The following ZDHHC14 variants were observed in gnomAD, a reference collection of about 807,000 sequenced individuals.
ZDHHC14 encodes the protein palmitoyltransferase ZDHHC14.
Under a neutral mutation model 47.7 loss-of-function variants are expected in ZDHHC14, and 16 were observed. That is an observed-to-expected ratio of 0.34 (90% CI 0.23 to 0.51). The LOEUF (loss-of-function observed/expected upper bound fraction) is 0.51, where lower values mean the gene tolerates loss of function less well. Among genes scored for constraint, ZDHHC14 ranks in the 20% least tolerant of loss-of-function variants. The probability of loss-of-function intolerance (pLI) is 0.97; values close to 1 mark genes in which losing one functional copy is unlikely to be tolerated. For missense variants in ZDHHC14, 515 were observed against 662.5 expected, an observed-to-expected ratio of 0.78 and a Z score of 2.44; for synonymous variants, 293 against 278.9, an observed-to-expected ratio of 1.05 and a Z score of -0.50.
intron 2 of ZDHHC14, among the ~76,000 whole-genome samples, chr6:157,571,945 A>C (rs977640472): frequency 6.6e-6 from 1 of 151,718 alleles, no homozygotes; most frequent in South Asian, 2.1e-4. Flanking sequence ...TCAGATTTTC[A>C]CGTGCATCCA....
chr6:157,497,529 CA>C (rs1780096107), intron 1 of ZDHHC14, among the ~76,000 whole-genome samples: 1 of 152,064 alleles, frequency 6.6e-6, no homozygotes. Flanking sequence ...GTGTGAACCC[CA>C]CAAGGAAGGA....
chr6:157,418,066 C>T (rs922571712), intron 1 of ZDHHC14, among the ~76,000 whole-genome samples: 1 of 152,184 alleles, frequency 6.6e-6, no homozygotes, highest in African/African-American at 2.4e-5. Flanking sequence ...TCTGCACTTA[C>T]CCCACATGGT....
At chr6:157,572,812 T>C (rs191087819) in intron 2 of ZDHHC14, among the ~76,000 whole-genome samples, 7 of 152,088 alleles carry the variant, frequency 4.6e-5, no homozygotes, top group Admixed American at 3.9e-4. Flanking sequence ...GCATAGCACA[T>C]GAAACTCATT....
chr6:157,499,107 C>T (rs1489576295), intron 1 of ZDHHC14, among the ~76,000 whole-genome samples: 1 of 152,168 alleles, frequency 6.6e-6, no homozygotes, highest in Non-Finnish European at 1.5e-5. Context: ...CATTTGCCCC[C>T]TGTAGCTCAT....
chr6:157,656,479 C>T, intron 8 of ZDHHC14, among the ~76,000 whole-genome samples: 1 of 151,944 alleles, frequency 6.6e-6, no homozygotes, highest in East Asian at 1.9e-4. Flanking sequence ...GGATTACAGG[C>T]GCCCGCCACC....
At chr6:157,631,688 G>A (rs1583046465) in intron 4 of ZDHHC14, 2 of 152,368 alleles carry the variant, frequency 1.3e-5, no homozygotes, top group East Asian at 1.9e-4. Flanking sequence ...CCTTGGAGAG[G>A]AAGGAGGGCT....
chr6:157,557,285 G>C (rs542546255), intron 2 of ZDHHC14, among the ~76,000 whole-genome samples: 2 of 152,346 alleles, frequency 1.3e-5, no homozygotes, highest in African/African-American at 4.8e-5. Flanking sequence ...ATTAAACAGA[G>C]GGGCAGGGCC....
rs1278036261 is a variant in ZDHHC14, at chr6:157,672,907, C to T, written c.1252C>T (p.Leu418Phe). Residue 418 changes from leucine to phenylalanine, a missense_variant, in exon 9 of 9, where the codon CTC becomes TTC. Physicochemically the swap from Leu to Phe is conservative, Grantham distance 22. This residue lies in a region of ZDHHC14 where 221 missense variants were observed against 233.6 expected (regional missense o/e 0.95). Coordinates refer to ENST00000359775, the MANE Select transcript of ZDHHC14 (RefSeq NM_024630.3). ...PPTPPASMPN[L>F]AEATLADVMP... ...CACACCGCCCGCCTCCATGCCCAAC[C>T]TCGCCGAGGCCACGCTCGCGGACGT... 6.2e-7 allele frequency: 1 copy of T among 1,605,304 alleles called. No homozygotes were observed. The highest frequency in any genetic ancestry group is 8.5e-7 in the Non-Finnish European group (1 of 1,177,274).
At chr6:157,399,259 T>C (rs538018043) in intron 1 of ZDHHC14, among the ~76,000 whole-genome samples, 5 of 152,230 alleles carry the variant, frequency 3.3e-5, no homozygotes, top group Admixed American at 6.5e-5. Context: ...CTGAGTATGA[T>C]TGCATGCATA....
intron 1 of ZDHHC14, among the ~76,000 whole-genome samples, chr6:157,539,907 G>A (rs1438310355): frequency 6.6e-6 from 1 of 152,184 alleles, no homozygotes; most frequent in Non-Finnish European, 1.5e-5. Flanking sequence ...AAAGCGACAA[G>A]GACTTCCTAT....
At chr6:157,600,288 G>A (rs931930005) in intron 3 of ZDHHC14, among the ~76,000 whole-genome samples, 7 of 152,192 alleles carry the variant, frequency 4.6e-5, no homozygotes, top group African/African-American at 1.4e-4. Flanking sequence ...AATTAGTCAT[G>A]ACATGGAAGG....
intron 1 of ZDHHC14, among the ~76,000 whole-genome samples, chr6:157,434,902 A>G (rs1778409528): frequency 6.6e-6 from 1 of 152,146 alleles, no homozygotes; most frequent in Non-Finnish European, 1.5e-5. Flanking sequence ...GCCTTGAGAG[A>G]GGGGATCTGC....
Position 157,483,397 on chromosome 6 carries a change from G to A in ZDHHC14, c.246-59188G>A, listed in dbSNP as rs111380345. ...AGTGTCTGACTAGGAGCCTTGGGCA[G>A]TGCATTATTTGTCCGTGAGGCTCAT... On this transcript the variant is annotated intron_variant, in intron 1 of 8. Coordinates refer to ENST00000359775, the MANE Select transcript of ZDHHC14 (RefSeq NM_024630.3). Among the ~76,000 whole-genome samples, 6 of 152,330 alleles carry A rather than the reference G, an allele frequency of 3.9e-5. 1 individual carries two copies. Among genetic ancestry groups the A allele is most frequent in the African/African-American group, 1.4e-4 (6 of 41,572 alleles).
chr6:157,539,886 G>A (rs1781682552), intron 1 of ZDHHC14, among the ~76,000 whole-genome samples: 1 of 151,904 alleles, frequency 6.6e-6, no homozygotes, highest in Non-Finnish European at 1.5e-5. Context: ...AAATGGCACT[G>A]TTTGCTACTT....
chr6:157,452,376 C>A (rs1262588944), intron 1 of ZDHHC14, among the ~76,000 whole-genome samples: 2 of 152,160 alleles, frequency 1.3e-5, no homozygotes, highest in Admixed American at 1.3e-4. Flanking sequence ...AAATATCCCA[C>A]CTTTGCTGAA....
intron 1 of ZDHHC14, among the ~76,000 whole-genome samples, chr6:157,384,937 T>C (rs1777281980): frequency 6.6e-6 from 1 of 152,232 alleles, no homozygotes; most frequent in African/African-American, 2.4e-5. Context: ...TAGATAGCTT[T>C]TTTAAAAATT....
At chr6:157,599,269 G>A (rs974450131) in intron 3 of ZDHHC14, among the ~76,000 whole-genome samples, 72 of 152,360 alleles carry the variant, frequency 4.7e-4, no homozygotes, top group Non-Finnish European at 2.4e-4. Context: ...CAGTGGAGGA[G>A]GCTGGGCAGC....
chr6:157,412,029 C>G (rs1304532675), intron 1 of ZDHHC14, among the ~76,000 whole-genome samples: 3 of 150,652 alleles, frequency 2.0e-5, no homozygotes, highest in Admixed American at 2.0e-4. Context: ...ACCTCCACCT[C>G]CTGGGTTCAA....
intron 2 of ZDHHC14, among the ~76,000 whole-genome samples, chr6:157,565,743 C>T (rs141523773): frequency 0.022 from 3,318 of 148,688 alleles, 118 homozygotes; most frequent in African/African-American, 0.077. Flanking sequence ...GTGCAGGAGG[C>T]GGAGGTTGCA....
Sources: allele counts gnomAD v4.1 joint callset (sites outside exome capture counted in the v4.1 genomes callset), GRCh38; gene constraint gnomAD v4.1.1; regional missense constraint gnomAD v4.1.1; transcripts MANE v1.5; gene names NCBI Gene and HGNC (gene_info 2026-07-23, HGNC 2026-07-21).